The following EXOC4 variants were observed in gnomAD, a reference collection of about 807,000 sequenced individuals.
EXOC4 encodes exocyst complex component 4, also known as SEC8-like 1.
In EXOC4, 71 loss-of-function variants were observed where a neutral mutation model predicts 107.2. The ratio of observed to expected loss-of-function variants is 0.66; its 90% CI spans 0.55 to 0.81. EXOC4 has a LOEUF of 0.81. Ranked by LOEUF, EXOC4 falls within the 30% of genes least tolerant of loss-of-function variation. The pLI is 0.00. For missense variants in EXOC4, 1,108 were observed against 1,189.6 expected (o/e 0.93, Z 1.01); for synonymous variants, 456 against 441.2 (o/e 1.03, Z -0.42).
Position 133,857,325 on chromosome 7 carries a change from GTATATATATATATA to G in EXOC4, c.1735-38246_1735-38233del, listed in dbSNP as rs71162035. On this transcript the variant is annotated intron_variant, in intron 11 of 17. Transcript: ENST00000253861. The stretch of plus-strand genomic sequence containing the variant: ...CGTATATATATATATATATATACAC[GTATATATATATATA>G]TATATATATATATATATATATATAT... Among the ~76,000 whole-genome samples the G allele has an allele frequency of 1.2e-3, 3 of 2,598 alleles. 1 individual carries two copies. The highest frequency in any genetic ancestry group is 1.8e-3 in the Non-Finnish European group (3 of 1,638). The allele number at this position is 2,598 out of a possible 152,430, so 1.7% of individuals were successfully genotyped here. A position where few individuals can be genotyped will look rare whatever the true frequency, so the allele number is the denominator to read the frequency against.
At chr7:133,472,537 G>A (rs1010895309) in intron 7 of EXOC4, among the ~76,000 whole-genome samples, 3 of 152,186 alleles carry the variant, frequency 2.0e-5, no homozygotes, top group Non-Finnish European at 2.9e-5. Context: ...GGTTTCAGAG[G>A]AGTTGGTTTT....
chr7:134,090,772 G>C, the EXOC4 span, among the ~76,000 whole-genome samples: 1 of 152,020 alleles, frequency 6.6e-6, no homozygotes, highest in African/African-American at 2.4e-5. Context: ...GTACATGCCT[G>C]ATCCTGTCAC....
At chr7:133,552,299 T>G (rs1800605496) in intron 9 of EXOC4, among the ~76,000 whole-genome samples, 1 of 152,190 alleles carries the variant, frequency 6.6e-6, no homozygotes, top group South Asian at 2.1e-4. Flanking sequence ...TGTTTTACAT[T>G]GCATCTTAAA....
At position 133,770,902 on chromosome 7, in the gene EXOC4, T is replaced by C. The variant is rs549830072; in HGVS notation, c.1515-46423T>C. Among the ~76,000 whole-genome samples, 10 of 152,084 alleles carry C rather than the reference T, an allele frequency of 6.6e-5. No homozygotes were observed. In the South Asian group the frequency reaches 2.1e-3, roughly 32 times the overall value. On this transcript the variant is annotated intron_variant, in intron 10 of 17. Coordinates refer to ENST00000253861, the MANE Select transcript of EXOC4 (RefSeq NM_021807.4). ...ATACATAGTAAATGCCCTGAAAACC[T>C]TTCTAAAATCTGAACTTTTTGAATT...
intron 11 of EXOC4, among the ~76,000 whole-genome samples, chr7:133,864,613 CA>C (rs1798598661): frequency 6.6e-6 from 1 of 152,170 alleles, no homozygotes; most frequent in African/African-American, 2.4e-5. Flanking sequence ...ACGACATTTA[CA>C]TTCAAATTAG....
At chr7:133,401,238 C>T (rs1797082578) in intron 7 of EXOC4, among the ~76,000 whole-genome samples, 1 of 149,644 alleles carries the variant, frequency 6.7e-6, no homozygotes, top group African/African-American at 2.5e-5. Context: ...GGTTTTTGTG[C>T]TAATATTGAT....
At chr7:133,867,185 A>G (rs562900152) in intron 11 of EXOC4, among the ~76,000 whole-genome samples, 1 of 152,252 alleles carries the variant, frequency 6.6e-6, no homozygotes, top group East Asian at 1.9e-4. Flanking sequence ...CCTCCCATTC[A>G]CTAGCTGTAT....
intron 7 of EXOC4, among the ~76,000 whole-genome samples, chr7:133,471,404 C>T (rs1464809687): frequency 7.2e-6 from 1 of 139,034 alleles, no homozygotes; most frequent in Non-Finnish European, 1.6e-5. Context: ...AAGAGCAAGA[C>T]TTCATCTCAA....
Position 133,937,385 on chromosome 7 carries a change from C to G in EXOC4, c.2028-506C>G, listed in dbSNP as rs187691428. Among the ~76,000 whole-genome samples the G allele has an allele frequency of 2.0e-4, 30 of 152,226 alleles. No individual in the cohort carries two copies. The Middle Eastern group carries it at 0.014, about 69-fold the overall frequency. On this transcript the variant is annotated intron_variant, in intron 13 of 17. Coordinates refer to ENST00000253861, the MANE Select transcript of EXOC4 (RefSeq NM_021807.4). The stretch of plus-strand genomic sequence containing the variant: ...CAACTAAGTAAATGAATAAATGAAG[C>G]CTGTCATCCATCTCAGTTGTAACCT...
chr7:133,345,981 C>A (rs1477853897), intron 5 of EXOC4, among the ~76,000 whole-genome samples: 1 of 152,182 alleles, frequency 6.6e-6, no homozygotes, highest in African/African-American at 2.4e-5. Context: ...TTGAAAGACC[C>A]TAATCAAAAT....
chr7:134,009,818 AAC>A (rs1457919227), intron 17 of EXOC4: 4 of 152,220 alleles, frequency 2.6e-5, no homozygotes, highest in Non-Finnish European at 4.4e-5. Flanking sequence ...TAAGTAAATT[AAC>A]ACAGTTTTTG....
At chr7:133,899,055 A>C (rs1338749710) in intron 12 of EXOC4, among the ~76,000 whole-genome samples, 1 of 151,846 alleles carries the variant, frequency 6.6e-6, no homozygotes, top group South Asian at 2.1e-4. Context: ...TAATAATATT[A>C]TATTTTAAAT....
intron 11 of EXOC4, among the ~76,000 whole-genome samples, chr7:133,832,912 C>T (rs1797840851): frequency 6.6e-6 from 1 of 152,066 alleles, no homozygotes; most frequent in African/African-American, 2.4e-5. Context: ...TTTCATAAAA[C>T]TATAAATATA....
At chr7:133,349,830 G>A (rs1465070205) in intron 5 of EXOC4, among the ~76,000 whole-genome samples, 1 of 151,858 alleles carries the variant, frequency 6.6e-6, no homozygotes, top group African/African-American at 2.4e-5. Context: ...GCCAACTCTT[G>A]CTATTTCCTG....
At position 133,821,629 on chromosome 7, in the gene EXOC4, G is replaced by C. The variant is rs76788089; in HGVS notation, c.1734+4085G>C. ...TAAAAGTATCAATGTGCAACTGATT[G>C]GGGATAAAAACTGGGCTCTCCATAG... On this transcript the variant is annotated intron_variant, in intron 11 of 17. Transcript: ENST00000253861. 7.1e-3 allele frequency among the ~76,000 whole-genome samples: 1,081 copies of C among 152,124 alleles called. 7 individuals carry two copies. Among genetic ancestry groups the C allele is most frequent in the Middle Eastern group, 0.024 (7 of 294 alleles).
At chr7:133,255,516 A>T (rs1352683423) in intron 1 of EXOC4, among the ~76,000 whole-genome samples, 3 of 152,164 alleles carry the variant, frequency 2.0e-5, no homozygotes, top group African/African-American at 7.2e-5. Context: ...AGATCACTGC[A>T]TAACACTTTT....
At chr7:133,921,924 T>C (rs909649273) in intron 13 of EXOC4, among the ~76,000 whole-genome samples, 1 of 152,140 alleles carries the variant, frequency 6.6e-6, no homozygotes, top group African/African-American at 2.4e-5. Context: ...TCTTTTCTCT[T>C]TCTGGTTCAG....
At chr7:133,434,011 C>T (rs960582102) in intron 7 of EXOC4, among the ~76,000 whole-genome samples, 3 of 152,108 alleles carry the variant, frequency 2.0e-5, no homozygotes, top group Non-Finnish European at 2.9e-5. Context: ...TGGAAGGAGC[C>T]TATTAAAATT....
intron 9 of EXOC4, among the ~76,000 whole-genome samples, chr7:133,533,989 G>C (rs970692304): frequency 6.6e-6 from 1 of 152,092 alleles, no homozygotes; most frequent in Non-Finnish European, 1.5e-5. Context: ...CTTTGCAAAT[G>C]ACAAAATGAG....
Sources: gnomAD v4.1 joint callset for allele counts (sites outside exome capture counted in the v4.1 genomes callset) on GRCh38, gnomAD v4.1.1 for gene constraint, MANE v1.5 for transcripts, NCBI Gene and HGNC (gene_info 2026-07-23, HGNC 2026-07-21) for gene names.